The following NR4A3 variants were observed in gnomAD, a reference collection of about 807,000 sequenced individuals.
The protein encoded by NR4A3 is chondrosarcoma, extraskeletal myxoid, fused to EWS.
NR4A3 carries 13 observed loss-of-function variants against 55.6 expected under a neutral mutation model. That is an observed-to-expected ratio of 0.23 (90% CI 0.15 to 0.37). The LOEUF (loss-of-function observed/expected upper bound fraction) is 0.37. Among genes scored for constraint, NR4A3 ranks in the 10% least tolerant of loss-of-function variants. NR4A3 has a pLI of 1.00. For missense variants in NR4A3, 646 were observed against 822.8 expected, an observed-to-expected ratio of 0.79 and a Z score of 2.63; for synonymous variants, 342 against 357.9, an observed-to-expected ratio of 0.96 and a Z score of 0.50.
chr9:99,840,457 T>C (rs569652880), intron 5 of NR4A3, among the ~76,000 whole-genome samples: 1 of 152,352 alleles, frequency 6.6e-6, no homozygotes, highest in East Asian at 1.9e-4. Flanking sequence ...AGATCCATTC[T>C]CAGGGGAAAC....
chr9:99,862,466 A>C (rs1270802116), intron 7 of NR4A3, among the ~76,000 whole-genome samples: 4 of 146,046 alleles, frequency 2.7e-5, no homozygotes, highest in Non-Finnish European at 1.5e-5. Flanking sequence ...AATCGCTTGA[A>C]TCGGGGTGGA....
chr9:99,830,027 C>G (rs533478924), intron 3 of NR4A3, among the ~76,000 whole-genome samples: 19 of 152,218 alleles, frequency 1.2e-4, no homozygotes, highest in Non-Finnish European at 2.4e-4. Context: ...GACTCCCAGA[C>G]TTTATCAGAC....
chr9:99,842,042 G>A (rs910942677), intron 5 of NR4A3, among the ~76,000 whole-genome samples: 1 of 151,108 alleles, frequency 6.6e-6, no homozygotes, highest in Non-Finnish European at 1.5e-5. Flanking sequence ...AAAGCAAAAT[G>A]ATCCTACATT....
At chr9:99,823,680 G>T (rs973492961) in intron 1 of NR4A3, among the ~76,000 whole-genome samples, 8 of 152,100 alleles carry the variant, frequency 5.3e-5, no homozygotes, top group African/African-American at 1.9e-4. Context: ...CAAGATGCTC[G>T]CAGAGTTAGT....
chr9:99,827,265 T>C (rs1019572659), intron 2 of NR4A3, among the ~76,000 whole-genome samples: 2 of 126,078 alleles, frequency 1.6e-5, no homozygotes, highest in Admixed American at 8.1e-5. Flanking sequence ...TATATGTGTG[T>C]GTGTGTGTGT....
rs1375573186 is a variant in NR4A3, at chr9:99,828,771, C to T, written c.729C>T (p.Tyr243=). The change falls in exon 3 of 8, where the codon TAC becomes TAT. Residue 243 remains tyrosine (Y), a synonymous_variant. Coordinates refer to ENST00000395097, the MANE Select transcript of NR4A3 (RefSeq NM_006981.4). The surrounding 1 kb of genome is among the most constrained non-coding windows in gnomAD (Gnocchi z 7.7). ...CCGCCGCGCTTGAGAGCCACCCGTA[C>T]GGGCTGCCGCTGGCCAAGAGGGCGG... is the stretch of plus-strand genomic sequence containing the variant. ...SQAAALESHP[Y]GLPLAKRAAP... is the part of the protein sequence containing the mutation. The T allele has an allele frequency of 2.8e-6, 4 of 1,432,604 alleles. No homozygotes were observed. Among genetic ancestry groups the T allele is most frequent in the East Asian group, 6.1e-5 (2 of 32,888 alleles). The allele number at this position is 1,432,604 out of a possible 1,614,324, so 88.7% of individuals were successfully genotyped here.
intron 1 of NR4A3, among the ~76,000 whole-genome samples, chr9:99,823,807 G>T (rs1232255223): frequency 1.3e-5 from 2 of 149,310 alleles, no homozygotes; most frequent in African/African-American, 4.9e-5. Flanking sequence ...CCCGCGGTTT[G>T]TCTAGTCTCC....
chr9:99,848,940 G>C (rs1473350694), intron 7 of NR4A3, among the ~76,000 whole-genome samples: 1 of 152,170 alleles, frequency 6.6e-6, no homozygotes, highest in African/African-American at 2.4e-5. Context: ...GCCAAATGAG[G>C]GGCTCATCCT....
intron 7 of NR4A3, among the ~76,000 whole-genome samples, chr9:99,851,109 C>T (rs920921144): frequency 6.6e-6 from 1 of 152,160 alleles, no homozygotes; most frequent in African/African-American, 2.4e-5. Context: ...AGCTCCTGTT[C>T]CTGCCCTCAT....
chr9:99,842,996 C>T (rs1306394989), intron 5 of NR4A3, among the ~76,000 whole-genome samples: 1 of 152,220 alleles, frequency 6.6e-6, no homozygotes, highest in African/African-American at 2.4e-5. Flanking sequence ...TGCCTATTTA[C>T]GTGTTTCTGT....
intron 1 of NR4A3, among the ~76,000 whole-genome samples, chr9:99,824,079 T>G (rs1827239626): frequency 6.6e-6 from 1 of 152,032 alleles, no homozygotes. Context: ...ACCCCAAGGC[T>G]CTGTGCTCCC....
chr9:99,864,237 G>C lies in NR4A3; in HGVS notation c.*370G>C. Reference sequence around the variant, plus strand: ...CTTTCTGGGGAATCCAATTATAGTTGCTTTGTATTTAAAAACAAGAACAGC... The same window carrying C: ...CTTTCTGGGGAATCCAATTATAGTTCCTTTGTATTTAAAAACAAGAACAGC... On this transcript the variant is annotated 3_prime_UTR_variant, in exon 8 of 8. Coordinates refer to ENST00000395097, the MANE Select transcript of NR4A3 (RefSeq NM_006981.4). 1 of 255,576 alleles carries C rather than the reference G, an allele frequency of 3.9e-6. No homozygotes were observed. Among genetic ancestry groups the C allele is most frequent in the Non-Finnish European group, 7.7e-6 (1 of 130,264 alleles). 15.8% of individuals were successfully genotyped at this position (255,576 alleles called of 1,614,324 possible).
At chr9:99,858,966 TTAGA>T (rs575441266) in intron 7 of NR4A3, among the ~76,000 whole-genome samples, 70 of 152,350 alleles carry the variant, frequency 4.6e-4, no homozygotes, top group African/African-American at 1.5e-3. Flanking sequence ...GATTCTTGTC[TTAGA>T]TAGAAATTTG....
At chr9:99,838,032 C>G (rs1222052381) in intron 5 of NR4A3, among the ~76,000 whole-genome samples, 2 of 152,186 alleles carry the variant, frequency 1.3e-5, no homozygotes, top group East Asian at 1.9e-4. Flanking sequence ...CCAAACTTCT[C>G]TCCCTCAAAA....
intron 5 of NR4A3, among the ~76,000 whole-genome samples, chr9:99,843,665 C>T (rs1827695780): frequency 1.5e-5 from 2 of 135,448 alleles, no homozygotes; most frequent in Admixed American, 1.5e-4. Flanking sequence ...CCCACGCCCC[C>T]ATTTCTACAA....
chr9:99,838,407 G>A (rs982753868), intron 5 of NR4A3, among the ~76,000 whole-genome samples: 3 of 152,178 alleles, frequency 2.0e-5, no homozygotes, highest in African/African-American at 4.8e-5. Flanking sequence ...CTTAAGACAC[G>A]TTAGAACTAC....
rs1364997250 is a variant in NR4A3, at chr9:99,825,287, A to G, written c.-176-372A>G. Reference sequence around the variant, plus strand: ...GTATTCGGGCGGAGCTCGTTCCTCAAGTGTTCTGCTTTCTTTGGTTTTCCT... The same window carrying G: ...GTATTCGGGCGGAGCTCGTTCCTCAGGTGTTCTGCTTTCTTTGGTTTTCCT... On this transcript the variant is annotated intron_variant, in intron 1 of 7. Coordinates refer to ENST00000395097, the MANE Select transcript of NR4A3 (RefSeq NM_006981.4). This position sits in a 1 kb window ranked among gnomAD's most constrained non-coding sequence, Gnocchi z 5.0. Among the ~76,000 whole-genome samples the G allele has an allele frequency of 1.3e-5, 2 of 151,976 alleles. No homozygotes were observed. The highest frequency in any genetic ancestry group is 1.9e-4 in the East Asian group (1 of 5,172).
rs149781514 is a variant in NR4A3, at chr9:99,840,378, A to G, written c.1255-4271A>G. On this transcript the variant is annotated intron_variant, in intron 5 of 7. Coordinates refer to ENST00000395097, the MANE Select transcript of NR4A3 (RefSeq NM_006981.4). ...ACACTTTGATGGATTCTGAACAAAT[A>G]TTGGAAGCAGAGAGATTGTTGAGTT... 8.7e-3 allele frequency among the ~76,000 whole-genome samples: 1,329 copies of G among 152,334 alleles called. 11 individuals carry two copies. The highest frequency in any genetic ancestry group is 0.014 in the Non-Finnish European group (967 of 68,028).
chr9:99,847,445 C>G lies in NR4A3; in HGVS notation c.1463C>G (p.Thr488Ser). The G allele has an allele frequency of 6.2e-7, 1 of 1,614,108 alleles. No homozygotes were observed. The highest frequency in any genetic ancestry group is 8.5e-7 in the Non-Finnish European group (1 of 1,179,948). The change falls in exon 7 of 8, where the codon ACT becomes AGT. Residue 488 changes from threonine to serine, a missense_variant. Thr to Ser is a moderately conservative substitution (Grantham distance 58). Transcript: ENST00000395097. ...TTCCTCTCACCTCCCAGGTCAAACA[C>G]TGCTGAAGATAAGTTTGTGTTCTGC... ...FVLRLSIRSN[T>S]AEDKFVFCNG...
Sources: allele counts gnomAD v4.1 joint callset (sites outside exome capture counted in the v4.1 genomes callset), GRCh38; gene constraint gnomAD v4.1.1; non-coding constraint Gnocchi (gnomAD v3.1); transcripts MANE v1.5; gene names NCBI Gene and HGNC (gene_info 2026-07-23, HGNC 2026-07-21).